Variants in EYS observed in about 807,000 individuals in gnomAD.
EYS encodes protein eyes shut homolog.
Under a neutral mutation model 282.1 loss-of-function variants are expected in EYS, and 250 were observed. The observed-to-expected ratio is 0.89, with a 90% confidence interval of 0.80 to 0.98. The LOEUF (loss-of-function observed/expected upper bound fraction) is 0.98. Among genes scored for constraint, EYS ranks in the 50% least tolerant of loss-of-function variants. The pLI, the probability that EYS is intolerant of heterozygous loss-of-function variation, is 0.00. For synonymous variants in EYS, 1,355 were observed against 1,282.9 expected (o/e 1.06, Z -1.20); for missense variants, 4,016 against 3,709.0 (o/e 1.08, Z -2.15).
At chr6:64,275,352 A>G (rs568602911) in intron 30 of EYS, among the ~76,000 whole-genome samples, 1 of 152,062 alleles carries the variant, frequency 6.6e-6, no homozygotes, top group African/African-American at 2.4e-5. Context: ...AAAGACATAT[A>G]TAATATAATT....
intron 26 of EYS, among the ~76,000 whole-genome samples, chr6:64,448,240 C>A (rs2150474617): frequency 6.6e-6 from 1 of 152,344 alleles, no homozygotes; most frequent in East Asian, 1.9e-4. Context: ...GTCCTATGCC[C>A]ACGGAGCCTT....
At chr6:64,559,489 T>G (rs142532767) in intron 26 of EYS, among the ~76,000 whole-genome samples, 1,947 of 152,190 alleles carry the variant, frequency 0.013, 39 homozygotes, top group Admixed American at 0.012. Context: ...ATTCATATGT[T>G]AAAGAGCTGA....
intron 19 of EYS, among the ~76,000 whole-genome samples, chr6:64,883,684 A>C (rs1253632832): frequency 6.6e-6 from 1 of 151,496 alleles, no homozygotes; most frequent in Admixed American, 6.6e-5. Context: ...TCGTAAGCCA[A>C]TATTCTTTAG....
At chr6:64,170,078 C>G (rs1448016583) in intron 31 of EYS, among the ~76,000 whole-genome samples, 3 of 152,026 alleles carry the variant, frequency 2.0e-5, no homozygotes, top group African/African-American at 7.2e-5. Context: ...GGCTGCAATG[C>G]GAACAGCTGG....
chr6:65,250,033 T>A (rs1020234997), intron 12 of EYS, among the ~76,000 whole-genome samples: 4 of 151,822 alleles, frequency 2.6e-5, no homozygotes, highest in Non-Finnish European at 5.9e-5. Context: ...ATGGAAGAGG[T>A]CAAGTTTCAG....
intron 5 of EYS, among the ~76,000 whole-genome samples, chr6:65,424,885 A>C (rs1771793417): frequency 6.6e-6 from 1 of 151,912 alleles, no homozygotes; most frequent in Non-Finnish European, 1.5e-5. Flanking sequence ...ATGAACTATT[A>C]CTCTATATTT....
At chr6:64,952,468 C>T (rs1769545412) in intron 14 of EYS, among the ~76,000 whole-genome samples, 2 of 151,974 alleles carry the variant, frequency 1.3e-5, no homozygotes, top group Admixed American at 1.3e-4. Flanking sequence ...CATAGTAAGA[C>T]AACCATAAAT....
chr6:64,039,068 G>A (rs1770262947), intron 33 of EYS, among the ~76,000 whole-genome samples: 1 of 152,182 alleles, frequency 6.6e-6, no homozygotes, highest in Non-Finnish European at 1.5e-5. Flanking sequence ...GGCTCTCAAA[G>A]TGCTGGGATT....
intron 18 of EYS, among the ~76,000 whole-genome samples, chr6:64,899,191 G>A (rs925466935): frequency 1.3e-5 from 2 of 151,884 alleles, no homozygotes; most frequent in Non-Finnish European, 2.9e-5. Context: ...TTCTAAAATC[G>A]ACCACATAAT....
At chr6:63,946,127 G>A (rs955425807) in intron 35 of EYS, among the ~76,000 whole-genome samples, 3 of 152,132 alleles carry the variant, frequency 2.0e-5, no homozygotes, top group Non-Finnish European at 2.9e-5. Context: ...GGGCTCTGAC[G>A]TACCCATCCA....
At chr6:64,055,865 T>C (rs1562177492) in intron 33 of EYS, among the ~76,000 whole-genome samples, 1 of 152,118 alleles carries the variant, frequency 6.6e-6, no homozygotes, top group Non-Finnish European at 1.5e-5. Flanking sequence ...CTGCCTAGTT[T>C]ATCTAAAAAC....
At chr6:65,427,888 A>G (rs894122034) in intron 5 of EYS, among the ~76,000 whole-genome samples, 2 of 152,116 alleles carry the variant, frequency 1.3e-5, no homozygotes, top group East Asian at 3.9e-4. Context: ...ATGCTTCCAC[A>G]TATAGATGAT....
chr6:64,363,039 T>G (rs1244916035), intron 29 of EYS, among the ~76,000 whole-genome samples: 1 of 151,202 alleles, frequency 6.6e-6, no homozygotes. Context: ...GGCTCACTAC[T>G]GCAGCCTTGG....
At chr6:63,727,801 CTGAAG>C (rs1768676913) in intron 41 of EYS, among the ~76,000 whole-genome samples, 1 of 91,294 alleles carries the variant, frequency 1.1e-5, no homozygotes, top group Admixed American at 1.8e-4. Context: ...ACTGGGGAGG[CTGAAG>C]TGGAAGGATC....
intron 28 of EYS, among the ~76,000 whole-genome samples, chr6:64,435,045 A>C (rs1374006118): frequency 6.6e-6 from 1 of 152,054 alleles, no homozygotes; most frequent in Non-Finnish European, 1.5e-5. Flanking sequence ...ACCTCGACTG[A>C]GATGGCATTT....
intron 5 of EYS, among the ~76,000 whole-genome samples, chr6:65,411,036 T>C (rs865917355): frequency 6.6e-6 from 1 of 151,978 alleles, no homozygotes; most frequent in Non-Finnish European, 1.5e-5. Flanking sequence ...TAATGGAAGA[T>C]TGATAATTTT....
intron 20 of EYS, 33 bp from the exon 21 acceptor site, chr6:64,821,756 T>C (rs1483717587): frequency 1.6e-6 from 2 of 1,235,508 alleles, no homozygotes; most frequent in Non-Finnish European, 2.3e-6. Flanking sequence ...CATTTTCAAA[T>C]AAGTAGATGT....
rs555473652 is a variant in EYS, at chr6:64,295,597, C to T, written c.6191+11373G>A. On this transcript the variant is annotated intron_variant, in intron 30 of 42. Coordinates refer to ENST00000503581, the MANE Select transcript of EYS (RefSeq NM_001142800.2). ...GAAGAAAATTAGCCGGGTGCAGTGG[C>T]GGGCGTCTGTAGTCCCAGCTACTCA... Among the ~76,000 whole-genome samples, 4 of 140,798 alleles carry T rather than the reference C, an allele frequency of 2.8e-5. No individual in the cohort carries two copies. The East Asian group carries it at 8.2e-4, about 29-fold the overall frequency. The allele number at this position is 140,798 out of a possible 152,430, so 92.4% of individuals were successfully genotyped here. A position where few individuals can be genotyped will look rare whatever the true frequency, so the allele number is the denominator to read the frequency against.
intron 8 of EYS, among the ~76,000 whole-genome samples, chr6:65,367,172 C>T (rs1416023184): frequency 2.0e-5 from 3 of 151,614 alleles, no homozygotes; most frequent in African/African-American, 2.4e-5. Context: ...AGAAAGTTTA[C>T]GTTCTGGTTT....
Sources: gnomAD v4.1 joint callset for allele counts (sites outside exome capture counted in the v4.1 genomes callset) on GRCh38, gnomAD v4.1.1 for gene constraint, MANE v1.5 for transcripts, NCBI Gene and HGNC (gene_info 2026-07-23, HGNC 2026-07-21) for gene names.